COMMD10: variants seen among roughly 807,000 people sequenced by gnomAD.
The protein encoded by COMMD10 is COMM domain containing 10.
Under a neutral mutation model 28.9 loss-of-function variants are expected in COMMD10, and 33 were observed. The observed-to-expected ratio is 1.14, with a 90% confidence interval of 0.87 to 1.53. COMMD10 has a LOEUF of 1.53. Ranked by LOEUF, COMMD10 falls within the 40% of genes most tolerant of loss-of-function variation. The pLI, the probability that COMMD10 is intolerant of heterozygous loss-of-function variation, is 0.00. For synonymous variants in COMMD10, 110 were observed against 81.7 expected, an observed-to-expected ratio of 1.35 and a Z score of -1.87; for missense variants, 310 against 233.4, an observed-to-expected ratio of 1.33 and a Z score of -2.14.
At chr5:116,117,599 G>C (rs1751283988) in intron 4 of COMMD10, among the ~76,000 whole-genome samples, 2 of 152,098 alleles carry the variant, frequency 1.3e-5, no homozygotes, top group Non-Finnish European at 2.9e-5. Context: ...GAGTAGTTGG[G>C]ATTACAGGCA....
intron 4 of COMMD10, among the ~76,000 whole-genome samples, chr5:116,123,473 G>C (rs1461950108): frequency 1.3e-5 from 2 of 152,192 alleles, no homozygotes; most frequent in Admixed American, 1.3e-4. Flanking sequence ...CGGTTTGCCA[G>C]TATTTTATTG....
At position 116,194,410 on chromosome 5, in the gene COMMD10, T is replaced by C. The variant is rs149263979; in HGVS notation, c.510+60232T>C. On this transcript the variant is annotated intron_variant, in intron 5 of 6. Transcript: ENST00000274458. ...TTCTTTGAAAAGATAAAAAAATTGA[T>C]AGACCATTAGCAAGTTTAACCAAGA... Among the ~76,000 whole-genome samples the C allele has an allele frequency of 1.2e-4, 19 of 152,228 alleles. No individual in the cohort carries two copies. In the East Asian group the frequency reaches 3.7e-3, roughly 29 times the overall value.
intron 5 of COMMD10, among the ~76,000 whole-genome samples, chr5:116,244,501 A>G (rs906915697): frequency 6.6e-6 from 1 of 152,038 alleles, no homozygotes; most frequent in Non-Finnish European, 1.5e-5. Context: ...ATACAATGAT[A>G]TATGTCATGA....
chr5:116,148,842 T>C (rs1448941004), intron 5 of COMMD10, among the ~76,000 whole-genome samples: 1 of 151,842 alleles, frequency 6.6e-6, no homozygotes, highest in African/African-American at 2.4e-5. Flanking sequence ...ATTTGTTTTT[T>C]TGTATTTTAT....
At chr5:116,144,204 A>G (rs1284346575) in intron 5 of COMMD10, among the ~76,000 whole-genome samples, 1 of 151,894 alleles carries the variant, frequency 6.6e-6, no homozygotes, top group East Asian at 1.9e-4. Flanking sequence ...AGGATATATT[A>G]GAACTAACAT....
chr5:116,278,500 G>A (rs1750978636), intron 5 of COMMD10, among the ~76,000 whole-genome samples: 1 of 151,826 alleles, frequency 6.6e-6, no homozygotes, highest in Admixed American at 6.6e-5. Flanking sequence ...TGACTGCCAA[G>A]CATATTGCTT....
At chr5:116,260,386 T>G (rs1400076190) in intron 5 of COMMD10, among the ~76,000 whole-genome samples, 2 of 151,884 alleles carry the variant, frequency 1.3e-5, no homozygotes, top group African/African-American at 2.4e-5. Flanking sequence ...TCATCCTGTT[T>G]AAGAACAACT....
chr5:116,175,133 G>A (rs925545562), intron 5 of COMMD10, among the ~76,000 whole-genome samples: 9 of 151,722 alleles, frequency 5.9e-5, no homozygotes, highest in Non-Finnish European at 1.0e-4. Context: ...AAACACTCCC[G>A]CATTACTTTC....
At chr5:116,226,498 CTATT>C (rs1210863345) in intron 5 of COMMD10, among the ~76,000 whole-genome samples, 45 of 144,578 alleles carry the variant, frequency 3.1e-4, no homozygotes, top group Admixed American at 2.1e-4. Context: ...ATGTGTGTCT[CTATT>C]TAGTAGTGCA....
chr5:116,145,799 G>A lies in COMMD10; in HGVS notation c.510+11621G>A, dbSNP rs186274913. On this transcript the variant is annotated intron_variant, in intron 5 of 6. Coordinates refer to ENST00000274458, the MANE Select transcript of COMMD10 (RefSeq NM_016144.4). ...TTTTATAAGGGGCTCTTACCCCTTT[G>A]CTCAGCACTTCTCCTTCCTGCCAAC... 4.5e-3 allele frequency among the ~76,000 whole-genome samples: 677 copies of A among 151,924 alleles called. 3 individuals carry two copies. The highest frequency in any genetic ancestry group is 7.7e-3 in the Non-Finnish European group (524 of 67,856).
chr5:116,250,559 T>C (rs892956967), intron 5 of COMMD10, among the ~76,000 whole-genome samples: 4 of 151,720 alleles, frequency 2.6e-5, no homozygotes, highest in Admixed American at 6.6e-5. Flanking sequence ...CCTCACCTCA[T>C]AGAGGCATAT....
At chr5:116,214,825 A>T (rs1749056966) in intron 5 of COMMD10, among the ~76,000 whole-genome samples, 1 of 152,096 alleles carries the variant, frequency 6.6e-6, no homozygotes, top group South Asian at 2.1e-4. Context: ...TTATAATCAA[A>T]GCAGTGTGTA....
chr5:116,110,287 G>A (rs971033372), intron 4 of COMMD10, among the ~76,000 whole-genome samples: 1 of 152,052 alleles, frequency 6.6e-6, no homozygotes, highest in Non-Finnish European at 1.5e-5. Flanking sequence ...ATTTTGTTTA[G>A]GACTGTTGTG....
chr5:116,135,393 AT>A (rs1238115204), intron 5 of COMMD10, among the ~76,000 whole-genome samples: 5 of 152,234 alleles, frequency 3.3e-5, no homozygotes, highest in Admixed American at 2.6e-4. Flanking sequence ...ATTCTGTGGA[AT>A]TGACTTGAGT....
intron 5 of COMMD10, among the ~76,000 whole-genome samples, chr5:116,201,380 G>T (rs936595122): frequency 2.0e-5 from 3 of 152,146 alleles, no homozygotes; most frequent in African/African-American, 7.2e-5. Flanking sequence ...CCTTATGGCT[G>T]GGTGCCCCTG....
intron 4 of COMMD10, among the ~76,000 whole-genome samples, chr5:116,104,658 C>T (rs143399199): frequency 0.026 from 3,915 of 151,300 alleles, 59 homozygotes; most frequent in East Asian, 0.042. Flanking sequence ...CTCACTCTGT[C>T]ACCCAGGCTG....
At chr5:116,097,386 T>C (rs1236628191) in intron 4 of COMMD10, among the ~76,000 whole-genome samples, 3 of 152,232 alleles carry the variant, frequency 2.0e-5, no homozygotes, top group African/African-American at 7.2e-5. Context: ...TTAATAGTTC[T>C]AGTTTATACA....
At chr5:116,266,119 T>C (rs192303825) in intron 5 of COMMD10, among the ~76,000 whole-genome samples, 1 of 151,778 alleles carries the variant, frequency 6.6e-6, no homozygotes, top group African/African-American at 2.4e-5. Flanking sequence ...CAAGTGAAGT[T>C]AATTAGAGGA....
intron 4 of COMMD10, among the ~76,000 whole-genome samples, chr5:116,117,872 T>G (rs1370420784): frequency 1.3e-5 from 2 of 152,190 alleles, no homozygotes; most frequent in Non-Finnish European, 2.9e-5. Flanking sequence ...ATAGGCTATT[T>G]CCCAACCATT....
Sources: allele counts gnomAD v4.1 joint callset (sites outside exome capture counted in the v4.1 genomes callset), GRCh38; gene constraint gnomAD v4.1.1; transcripts MANE v1.5; gene names NCBI Gene and HGNC (gene_info 2026-07-23, HGNC 2026-07-21).